The following NFKB1 variants were observed in gnomAD, a reference collection of about 807,000 sequenced individuals.
The protein encoded by NFKB1 is nuclear factor NF-kappa-B p105 subunit.
Under a neutral mutation model 105.1 loss-of-function variants are expected in NFKB1, and 9 were observed. That is an observed-to-expected ratio of 0.09 (90% CI 0.05 to 0.15). NFKB1 has a LOEUF of 0.15. NFKB1 is among the 10% of genes least tolerant of loss of function. The pLI, the probability that NFKB1 is intolerant of heterozygous loss-of-function variation, is 1.00. For missense variants in NFKB1, 830 were observed against 1,203.7 expected, an observed-to-expected ratio of 0.69 and a Z score of 4.59; for synonymous variants, 440 against 442.2, an observed-to-expected ratio of 1.00 and a Z score of 0.06.
intron 12 of NFKB1, 60 bp downstream of exon 12, chr4:102,593,628 T>C: frequency 6.6e-7 from 1 of 1,526,212 alleles, no homozygotes; most frequent in Admixed American, 2.1e-5. Flanking sequence ...GAATTTTCTT[T>C]TCTTTGGTTT....
At chr4:102,515,109 T>TTTA (rs1560632597) in intron 1 of NFKB1, among the ~76,000 whole-genome samples, 6 of 91,726 alleles carry the variant, frequency 6.5e-5, no homozygotes, top group African/African-American at 3.0e-4. Context: ...TTATTATTAT[T>TTTA]TTTTTTTTTT....
At chr4:102,566,894 T>G in intron 5 of NFKB1, 93 bp from the exon 6 acceptor site, 1 of 1,320,018 alleles carries the variant, frequency 7.6e-7, no homozygotes, top group Non-Finnish European at 1.1e-6. Context: ...AACTTTATAT[T>G]GTACTTTTTA....
intron 5 of NFKB1, among the ~76,000 whole-genome samples, chr4:102,549,555 T>TTA (rs553420737): frequency 3.0e-4 from 45 of 151,528 alleles, no homozygotes; most frequent in African/African-American, 1.1e-3. Flanking sequence ...GTTCTATTAA[T>TTA]TATATATATA....
Position 102,578,871 on chromosome 4 carries a change from A to G in NFKB1, c.572-10A>G, listed in dbSNP as rs745931372. The G allele has an allele frequency of 1.9e-6, 3 of 1,613,768 alleles. No individual in the cohort carries two copies. Among genetic ancestry groups the G allele is most frequent in the East Asian group, 2.2e-5 (1 of 44,886 alleles). ...CCTGGGCATGAATGGACTGTGCTGT[A>G]TGGCCCTAGATCGGGAAAAAGAGCT... On this transcript the variant is annotated splice_polypyrimidine_tract_variant and intron_variant, in intron 7 of 23. Transcript: ENST00000226574.
At chr4:102,531,741 A>C (rs927349528) in intron 3 of NFKB1, among the ~76,000 whole-genome samples, 2 of 152,180 alleles carry the variant, frequency 1.3e-5, no homozygotes, top group African/African-American at 4.8e-5. Context: ...AAGAGGAAAA[A>C]TGGCTCTATT....
At chr4:102,602,488 G>A (rs921655598) in intron 16 of NFKB1, among the ~76,000 whole-genome samples, 9 of 150,992 alleles carry the variant, frequency 6.0e-5, no homozygotes, top group African/African-American at 2.2e-4. Context: ...GCAATGAGGC[G>A]AGATCGCGCC....
chr4:102,560,312 A>G (rs564556283), intron 5 of NFKB1, among the ~76,000 whole-genome samples: 33 of 152,350 alleles, frequency 2.2e-4, no homozygotes, highest in African/African-American at 7.2e-4. Context: ...AGTTAAAATA[A>G]AAAAGGAAAC....
chr4:102,507,026 A>G (rs1344635296), intron 1 of NFKB1, among the ~76,000 whole-genome samples: 1 of 148,268 alleles, frequency 6.7e-6, no homozygotes, highest in Admixed American at 6.8e-5. Context: ...CATATTTGTA[A>G]CTAATATAAT....
chr4:102,523,400 C>G (rs113097187), intron 1 of NFKB1, among the ~76,000 whole-genome samples: 2 of 152,302 alleles, frequency 1.3e-5, no homozygotes, highest in African/African-American at 4.8e-5. Context: ...GTACACTGCT[C>G]TGCATCCCCC....
intron 5 of NFKB1, among the ~76,000 whole-genome samples, chr4:102,547,091 T>A (rs1047665905): frequency 5.9e-5 from 9 of 152,174 alleles, no homozygotes; most frequent in African/African-American, 2.2e-4. Context: ...CCACTCTGTT[T>A]AAGAACTGGC....
chr4:102,562,056 T>G (rs1038172875), intron 5 of NFKB1, among the ~76,000 whole-genome samples: 1 of 152,132 alleles, frequency 6.6e-6, no homozygotes, highest in African/African-American at 2.4e-5. Context: ...AGGAACAACC[T>G]GGGAGTTGTC....
chr4:102,514,536 G>T (rs1038521137), intron 1 of NFKB1, among the ~76,000 whole-genome samples: 1 of 152,110 alleles, frequency 6.6e-6, no homozygotes, highest in Admixed American at 6.5e-5. Context: ...TTGATCTTGG[G>T]CTTCCCGTTG....
chr4:102,518,264 A>G (rs1312239061), intron 1 of NFKB1, among the ~76,000 whole-genome samples: 1 of 152,200 alleles, frequency 6.6e-6, no homozygotes, highest in African/African-American at 2.4e-5. Flanking sequence ...TAAAGGTATC[A>G]CTGCTTAAAG....
chr4:102,580,557 G>A lies in NFKB1; in HGVS notation c.753G>A (p.Leu251=). 6.2e-7 allele frequency: 1 copy of A among 1,613,906 alleles called. No individual in the cohort carries two copies. The highest frequency in any genetic ancestry group is 1.3e-5 in the African/African-American group (1 of 75,020). Residue 251 remains leucine, a synonymous_variant, in exon 9 of 24, where the codon TTG becomes TTA. Transcript: ENST00000226574. The part of the protein sequence containing the change: ...YDSKAPNASN[L]KIVRMDRTAG... ...CAGAAGCCCCCAATGCATCCAACTT[G>A]AAAATTGTAAGAATGGACAGGACAG...
intron 5 of NFKB1, among the ~76,000 whole-genome samples, chr4:102,555,920 T>G (rs372207971): frequency 1.3e-5 from 2 of 152,286 alleles, no homozygotes; most frequent in African/African-American, 4.8e-5. Context: ...TAACTGATAT[T>G]GGAAGGGAAA....
chr4:102,616,348 A>G, intron 23 of NFKB1, 86 bp from the exon 24 acceptor site: 1 of 1,443,408 alleles, frequency 6.9e-7, no homozygotes. Flanking sequence ...GGCAGAAGCC[A>G]GTGGGCAAGA....
At chr4:102,512,739 G>T (rs1739863859) in intron 1 of NFKB1, among the ~76,000 whole-genome samples, 1 of 152,178 alleles carries the variant, frequency 6.6e-6, no homozygotes, top group Non-Finnish European at 1.5e-5. Context: ...TTATATTTGT[G>T]TATGTGTAAT....
intron 7 of NFKB1, chr4:102,578,548 A>C (rs926330120): frequency 1.1e-5 from 4 of 370,918 alleles, no homozygotes; most frequent in African/African-American, 4.1e-5. Context: ...AGGGTTATTC[A>C]ATTCCATTCC....
intron 7 of NFKB1, chr4:102,578,583 C>T: frequency 2.2e-6 from 1 of 456,312 alleles, no homozygotes. Flanking sequence ...GCCTTTAACT[C>T]TTACTGTAGA....
Sources: allele counts gnomAD v4.1 joint callset (sites outside exome capture counted in the v4.1 genomes callset), GRCh38; gene constraint gnomAD v4.1.1; transcripts MANE v1.5; gene names NCBI Gene and HGNC (gene_info 2026-07-23, HGNC 2026-07-21).